The following SLC39A8 variants were observed in gnomAD, a reference collection of about 807,000 sequenced individuals.
SLC39A8 encodes metal cation symporter ZIP8.
Under a neutral mutation model 40.4 loss-of-function variants are expected in SLC39A8, and 15 were observed. The ratio of observed to expected loss-of-function variants is 0.37; its 90% CI spans 0.25 to 0.57. The LOEUF (loss-of-function observed/expected upper bound fraction) is 0.57. Among genes scored for constraint, SLC39A8 ranks in the 20% least tolerant of loss-of-function variants. SLC39A8 has a pLI of 0.75. For missense variants in SLC39A8, 472 were observed against 558.8 expected, an observed-to-expected ratio of 0.84 and a Z score of 1.57; for synonymous variants, 223 against 221.6, an observed-to-expected ratio of 1.01 and a Z score of -0.06.
chr4:102,280,196 C>A (rs911102120), intron 6 of SLC39A8, among the ~76,000 whole-genome samples: 1 of 152,164 alleles, frequency 6.6e-6, no homozygotes. Context: ...TCTAGAGAAC[C>A]TTTTTTCTTC....
chr4:102,273,877 C>T (rs1732490233), intron 6 of SLC39A8, among the ~76,000 whole-genome samples: 1 of 152,082 alleles, frequency 6.6e-6, no homozygotes, highest in South Asian at 2.1e-4. Context: ...GAAGGAAAAC[C>T]AACAAACAGA....
In SLC39A8 at chr4:102,344,750, G is replaced by C. The variant is rs1020740334; in HGVS notation, c.-88C>G. ...CGCACTGGCGTCCTTGCCCAAGGGC[G>C]GGAGCGTCAGTGCTCGGCGCTGCTC... On this transcript the variant is annotated 5_prime_UTR_variant, in exon 2 of 9. Transcript: ENST00000356736. 121 of 1,358,690 alleles carry C rather than the reference G, an allele frequency of 8.9e-5. No individual in the cohort carries two copies. The highest frequency in any genetic ancestry group is 5.3e-4 in the Admixed American group (13 of 24,480). The allele number at this position is 1,358,690 out of a possible 1,614,324, so 84.2% of individuals were successfully genotyped here. A position where few individuals can be genotyped will look rare whatever the true frequency, so the allele number is the denominator to read the frequency against.
chr4:102,279,743 T>C (rs1335293649), intron 6 of SLC39A8, among the ~76,000 whole-genome samples: 1 of 152,008 alleles, frequency 6.6e-6, no homozygotes, highest in Non-Finnish European at 1.5e-5. Flanking sequence ...ATATGAAGAG[T>C]GTTGCTGGGG....
At chr4:102,332,034 T>A (rs530500993) in intron 2 of SLC39A8, among the ~76,000 whole-genome samples, 7 of 152,312 alleles carry the variant, frequency 4.6e-5, no homozygotes, top group Non-Finnish European at 1.0e-4. Flanking sequence ...ATTGAAGATT[T>A]GAACATAAGA....
At chr4:102,252,655 GA>G (rs1171034980) in exon 12 of SLC39A8, 1 of 152,186 alleles carries the variant, frequency 6.6e-6, no homozygotes, top group Non-Finnish European at 1.5e-5. Context: ...AGTGGCTAAG[GA>G]TGTCCTCATG....
chr4:102,312,090 G>A (rs1321446805), intron 3 of SLC39A8, among the ~76,000 whole-genome samples: 1 of 151,796 alleles, frequency 6.6e-6, no homozygotes, highest in Non-Finnish European at 1.5e-5. Context: ...ATTCTATAAA[G>A]GTACTATTAA....
At chr4:102,259,208 ATT>A (rs1245768489), downstream of SLC39A8, among the ~76,000 whole-genome samples, 1 of 152,110 alleles carries the variant, frequency 6.6e-6, no homozygotes, top group African/African-American at 2.4e-5. Context: ...TTCCAAGGAG[ATT>A]TCCCCCTGTA....
chr4:102,311,643 G>A (rs1734430682), intron 3 of SLC39A8, among the ~76,000 whole-genome samples: 1 of 152,014 alleles, frequency 6.6e-6, no homozygotes, highest in African/African-American at 2.4e-5. Flanking sequence ...TTACTAAAAT[G>A]CAATTAATTT....
intron 6 of SLC39A8, among the ~76,000 whole-genome samples, chr4:102,291,451 G>C (rs1038607189): frequency 2.0e-5 from 3 of 151,856 alleles, no homozygotes; most frequent in Non-Finnish European, 4.4e-5. Flanking sequence ...ATTCCAAAAT[G>C]TTCTCTCCCT....
At chr4:102,255,713 G>A (rs944712724) in intron 11 of SLC39A8, among the ~76,000 whole-genome samples, 3 of 152,174 alleles carry the variant, frequency 2.0e-5, no homozygotes, top group African/African-American at 7.2e-5. Context: ...AAGGGCAGAA[G>A]TCAAGGTATG....
At chr4:102,269,172 A>C (rs1479826149) in intron 6 of SLC39A8, among the ~76,000 whole-genome samples, 1 of 151,522 alleles carries the variant, frequency 6.6e-6, no homozygotes, top group Non-Finnish European at 1.5e-5. Flanking sequence ...TAAAAAAAAA[A>C]CATGCAATAT....
chr4:102,280,611 G>T (rs1732828618), intron 6 of SLC39A8, among the ~76,000 whole-genome samples: 1 of 152,148 alleles, frequency 6.6e-6, no homozygotes, highest in Admixed American at 6.5e-5. Flanking sequence ...TACCTGAAAA[G>T]TCAGCTAACT....
intron 6 of SLC39A8, among the ~76,000 whole-genome samples, chr4:102,302,963 C>G (rs1006916254): frequency 6.6e-6 from 1 of 151,976 alleles, no homozygotes; most frequent in Non-Finnish European, 1.5e-5. Flanking sequence ...ACAGAACTGG[C>G]TCTTCAAATA....
intron 2 of SLC39A8, chr4:102,324,400 GA>G (rs939334315): frequency 1.2e-3 from 172 of 145,640 alleles, no homozygotes; most frequent in South Asian, 2.7e-3. Context: ...GCTCAAGAAA[GA>G]AAAAAAAAAA....
At chr4:102,269,322 C>A (rs560261684) in intron 6 of SLC39A8, among the ~76,000 whole-genome samples, 114 of 152,352 alleles carry the variant, frequency 7.5e-4, no homozygotes, top group African/African-American at 2.3e-3. Flanking sequence ...CATCTCTTTA[C>A]TATTTCGTTA....
chr4:102,269,150 A>G (rs895852709), intron 6 of SLC39A8, among the ~76,000 whole-genome samples: 5 of 148,600 alleles, frequency 3.4e-5, no homozygotes, highest in Admixed American at 2.7e-4. Context: ...GTCATAATAT[A>G]TATGGATACA....
chr4:102,330,404 A>G (rs1375792075), intron 2 of SLC39A8, among the ~76,000 whole-genome samples: 4 of 152,230 alleles, frequency 2.6e-5, no homozygotes, highest in Non-Finnish European at 5.9e-5. Flanking sequence ...CTCAACGCAA[A>G]TAAACTTGAA....
chr4:102,332,293 T>C (rs1560569110), intron 2 of SLC39A8, among the ~76,000 whole-genome samples: 1 of 152,172 alleles, frequency 6.6e-6, no homozygotes, highest in Non-Finnish European at 1.5e-5. Flanking sequence ...ATCCAGAATC[T>C]ATAAGGAACT....
At chr4:102,302,613 A>G (rs1733968961) in intron 6 of SLC39A8, among the ~76,000 whole-genome samples, 1 of 152,014 alleles carries the variant, frequency 6.6e-6, no homozygotes. Context: ...AAGGCAGTCC[A>G]GCAAAGTATA....
Sources: gnomAD v4.1 joint callset for allele counts (sites outside exome capture counted in the v4.1 genomes callset) on GRCh38, gnomAD v4.1.1 for gene constraint, MANE v1.5 for transcripts, NCBI Gene and HGNC (gene_info 2026-07-23, HGNC 2026-07-21) for gene names.